Variants in PGLS observed in about 807,000 individuals in gnomAD.
PGLS encodes the protein epididymis secretory protein Li 304.
In PGLS, 21 loss-of-function variants were observed where a neutral mutation model predicts 23.2. The ratio of observed to expected loss-of-function variants is 0.91; its 90% CI spans 0.64 to 1.31. The LOEUF (loss-of-function observed/expected upper bound fraction) is 1.31, where lower values mean the gene tolerates loss of function less well. Ranked by LOEUF, PGLS falls within the 50% of genes most tolerant of loss-of-function variation. The pLI, the probability that PGLS is intolerant of heterozygous loss-of-function variation, is 0.00. For synonymous variants in PGLS, 179 were observed against 165.4 expected (o/e 1.08, Z -0.63); for missense variants, 410 against 354.0 (o/e 1.16, Z -1.27).
chr19:17,519,922 G>C (rs964189675), intron 4 of PGLS, among the ~76,000 whole-genome samples: 1 of 152,158 alleles, frequency 6.6e-6, no homozygotes. Context: ...GGGAGGCTGA[G>C]GCAGGAGGAT....
chr19:17,517,577 T>TTAGGCCCC, intron 3 of PGLS, 133 bp from the exon 4 acceptor site: 1 of 1,123,146 alleles, frequency 8.9e-7, no homozygotes, highest in Non-Finnish European at 1.3e-6. Context: ...AACAGGGACC[T>TTAGGCCCC]TAAACTACCC....
Position 17,516,231 on chromosome 19 carries a change from A to C in PGLS, c.347A>C (p.Glu116Ala). Residue 116 changes from glutamate to alanine, a missense_variant, in exon 2 of 5, where the codon GAG (glutamate) becomes GCG (alanine). By Grantham distance (107) the Glu-to-Ala change is moderately radical. Transcript: ENST00000252603. ...PESQVITINP[E>A]LPVEEAAEDY... ...AGCCAGGTGATCACCATTAACCCCGAGCTGCCTGTGGAGGAGGCGGCTGAG... is the reference window on the plus strand; with the variant it reads ...AGCCAGGTGATCACCATTAACCCCGCGCTGCCTGTGGAGGAGGCGGCTGAG... The C allele has an allele frequency of 6.2e-7, 1 of 1,614,088 alleles. No homozygotes were observed. Among genetic ancestry groups the C allele is most frequent in the Non-Finnish European group, 8.5e-7 (1 of 1,179,968 alleles).
chr19:17,520,072 G>C (rs1435534513), intron 4 of PGLS, among the ~76,000 whole-genome samples: 1 of 152,172 alleles, frequency 6.6e-6, no homozygotes, highest in African/African-American at 2.4e-5. Context: ...AGGATCACTT[G>C]AGCCTCAGAG....
At chr19:17,513,420 G>C (rs1030012072) in intron 1 of PGLS, among the ~76,000 whole-genome samples, 1 of 151,788 alleles carries the variant, frequency 6.6e-6, no homozygotes, top group Non-Finnish European at 1.5e-5. Flanking sequence ...CCAGCTACTC[G>C]GGAGGCTGAG....
intron 1 of PGLS, chr19:17,515,881 C>T (rs1164818048): frequency 3.4e-6 from 1 of 296,290 alleles, no homozygotes; most frequent in South Asian, 4.0e-5. Context: ...GGAGGGCCAC[C>T]CTCCCGTCCA....
chr19:17,513,758 G>A (rs1355349033), intron 1 of PGLS, among the ~76,000 whole-genome samples: 1 of 152,068 alleles, frequency 6.6e-6, no homozygotes, highest in East Asian at 1.9e-4. Context: ...GGCAGAGGTT[G>A]CAGTGAGCTG....
In PGLS at chr19:17,519,731, C is replaced by A. The variant is rs143651144; in HGVS notation, c.640-1213C>A. 2.8e-4 allele frequency among the ~76,000 whole-genome samples: 42 copies of A among 152,200 alleles called. No individual in the cohort carries two copies. The South Asian group carries it at 8.7e-3, about 32-fold the overall frequency. Reference sequence around the variant, plus strand: ...AGTTTTATTGGAACATAGCAACACCCGCTTATGTATATATTGTCTGCAGCT... The same window carrying A: ...AGTTTTATTGGAACATAGCAACACCAGCTTATGTATATATTGTCTGCAGCT... On this transcript the variant is annotated intron_variant, in intron 4 of 4. Transcript: ENST00000252603.
At position 17,512,003 on chromosome 19, in the gene PGLS, A is replaced by G. The variant is rs549662124; in HGVS notation, c.288+43A>G. The G allele has an allele frequency of 2.4e-4, 368 of 1,507,242 alleles. 2 individuals carry two copies. The Middle Eastern group carries it at 4.0e-3, about 16-fold the overall frequency. The allele number at this position is 1,507,242 out of a possible 1,614,324, so 93.4% of individuals were successfully genotyped here. ...CGCCGGGGATCACGCCGAGAGGGCC[A>G]CAGCCACCGCCTACACCCCGGCTAC... On this transcript the variant is annotated intron_variant, in intron 1 of 4. Transcript: ENST00000252603.
Position 17,511,900 on chromosome 19 carries a change from C to G in PGLS, c.228C>G (p.Gly76=). 2 of 1,544,382 alleles carry G rather than the reference C, an allele frequency of 1.3e-6. No individual in the cohort carries two copies. Among genetic ancestry groups the G allele is most frequent in the Non-Finnish European group, 1.7e-6 (2 of 1,146,060 alleles). ...GPASLARWTL[G]FCDERLVPFD... is the part of the protein sequence containing the mutation. ...CTAGCTTAGCGCGCTGGACGCTGGG[C>G]TTCTGCGACGAGCGCCTCGTGCCCT... Residue 76 remains glycine (G), a synonymous_variant, in exon 1 of 5, where the codon GGC becomes GGG. Transcript: ENST00000252603.
In PGLS at chr19:17,521,101, A is replaced by T. The variant is rs541553930; in HGVS notation, c.*20A>T. The T allele has an allele frequency of 1.9e-6, 3 of 1,574,596 alleles. No individual in the cohort carries two copies. In the African/African-American group the frequency reaches 4.1e-5, roughly 21 times the overall value. On this transcript the variant is annotated 3_prime_UTR_variant, in exon 5 of 5. Transcript: ENST00000252603. The stretch of plus-strand genomic sequence containing the variant: ...TTGTAGCTGGCCAGAGGGACGCCGC[A>T]GCTGGGACCAGGCACGCGGCCCATG...
chr19:17,512,578 G>A (rs2075514354), intron 1 of PGLS: 1 of 152,346 alleles, frequency 6.6e-6, no homozygotes, highest in Non-Finnish European at 1.5e-5. Context: ...GGGATCCCTG[G>A]GCAGCTTTGC....
At position 17,521,157 on chromosome 19, in the gene PGLS, G is replaced by A. The variant is rs1304166482; in HGVS notation, c.*76G>A. ...GGGCCCCTGCTGGCCGCCACTCTCCGGGCTCTCCTTTCAAAAAGCCACGTC... is the reference window on the plus strand; with the variant it reads ...GGGCCCCTGCTGGCCGCCACTCTCCAGGCTCTCCTTTCAAAAAGCCACGTC... On this transcript the variant is annotated 3_prime_UTR_variant, in exon 5 of 5. Coordinates refer to ENST00000252603, the MANE Select transcript of PGLS (RefSeq NM_012088.3). 9.2e-6 allele frequency: 13 copies of A among 1,408,474 alleles called. No individual in the cohort carries two copies. In the South Asian group the frequency reaches 1.6e-4, roughly 17 times the overall value. 87.2% of individuals were successfully genotyped at this position (1,408,474 alleles called of 1,614,324 possible). A position where few individuals can be genotyped will look rare whatever the true frequency, so the allele number is the denominator to read the frequency against.
intron 4 of PGLS, 39 bp from the exon 5 acceptor site, chr19:17,520,905 G>C: frequency 6.6e-7 from 1 of 1,526,714 alleles, no homozygotes; most frequent in Non-Finnish European, 8.8e-7. Flanking sequence ...CGGTGCCTGG[G>C]CCGCAGGCAG....
At position 17,521,003 on chromosome 19, in the gene PGLS, C is replaced by G. The variant is rs575582168; in HGVS notation, c.699C>G (p.Thr233=). The G allele has an allele frequency of 1.2e-6, 2 of 1,600,660 alleles. No individual in the cohort carries two copies. The highest frequency in any genetic ancestry group is 2.3e-5 in the East Asian group (1 of 44,320). ...CCGCCGCCCTGGTCCAGCCCCACACCGGGAAACTGTGCTGGTTCTTGGACG... is the reference window on the plus strand; with the variant it reads ...CCGCCGCCCTGGTCCAGCCCCACACGGGGAAACTGTGCTGGTTCTTGGACG... ...PLPAALVQPH[T]GKLCWFLDEA... The change falls in exon 5 of 5, where the codon ACC becomes ACG. Residue 233 remains threonine (T), a synonymous_variant. Transcript: ENST00000252603.
At chr19:17,515,106 A>G (rs187532856) in intron 1 of PGLS, among the ~76,000 whole-genome samples, 1 of 152,248 alleles carries the variant, frequency 6.6e-6, no homozygotes, top group Non-Finnish European at 1.5e-5. Context: ...GTTGTTTATA[A>G]GCCTCGAGTT....
chr19:17,512,165 A>C, intron 1 of PGLS: 1 of 560,276 alleles, frequency 1.8e-6, no homozygotes, highest in Non-Finnish European at 3.0e-6. Context: ...GGGTCATGCC[A>C]AGAGGGCCGC....
At chr19:17,515,282 C>G (rs1045034081) in intron 1 of PGLS, among the ~76,000 whole-genome samples, 14 of 152,136 alleles carry the variant, frequency 9.2e-5, no homozygotes, top group African/African-American at 3.4e-4. Flanking sequence ...GGTCAGCATT[C>G]AGGGCAGTCA....
At chr19:17,513,596 A>C (rs1250550359) in intron 1 of PGLS, among the ~76,000 whole-genome samples, 5 of 151,624 alleles carry the variant, frequency 3.3e-5, no homozygotes, top group Non-Finnish European at 7.4e-5. Context: ...AGGATGGTGG[A>C]TCACCTGAGG....
chr19:17,520,240 G>A (rs2075550851), intron 4 of PGLS, among the ~76,000 whole-genome samples: 1 of 151,958 alleles, frequency 6.6e-6, no homozygotes, highest in Non-Finnish European at 1.5e-5. Context: ...GTGAAACCCC[G>A]TCTCTACTAA....
Sources: allele counts gnomAD v4.1 joint callset (sites outside exome capture counted in the v4.1 genomes callset), GRCh38; gene constraint gnomAD v4.1.1; transcripts MANE v1.5; gene names NCBI Gene and HGNC (gene_info 2026-07-23, HGNC 2026-07-21).